MFSD1: variants seen among roughly 807,000 people sequenced by gnomAD.
MFSD1 encodes the protein lysosomal dipeptide transporter MFSD1.
Under a neutral mutation model 67.1 loss-of-function variants are expected in MFSD1, and 59 were observed. The observed-to-expected ratio is 0.88, with a 90% CI of 0.71 to 1.09. MFSD1 has a LOEUF of 1.09. Among genes scored for constraint, MFSD1 ranks in the 50% least tolerant of loss-of-function variants. MFSD1 has a pLI of 0.00. For missense variants in MFSD1, 552 were observed against 566.1 expected (o/e 0.97, Z 0.25); for synonymous variants, 213 against 200.3 (o/e 1.06, Z -0.54).
chr3:158,822,149 T>C lies in MFSD1; in HGVS notation c.1077+9T>C. ...ACCCTTGGATTGCTATGGTAACGTC[T>C]GTGTTAGCCCATGGTGGGGTCAGGG... On this transcript the variant is annotated intron_variant, in intron 11 of 15. Coordinates refer to ENST00000415822, the MANE Select transcript of MFSD1 (RefSeq NM_022736.4). 1 of 1,601,698 alleles carries C rather than the reference T, an allele frequency of 6.2e-7. No individual in the cohort carries two copies. Among genetic ancestry groups the C allele is most frequent in the Non-Finnish European group, 8.5e-7 (1 of 1,170,606 alleles).
chr3:158,819,892 A>T (rs1559921985), intron 8 of MFSD1, 145 bp downstream of exon 8: 9 of 525,128 alleles, frequency 1.7e-5, no homozygotes, highest in Non-Finnish European at 3.0e-5. Flanking sequence ...ATTGATTTCC[A>T]CTTTTCTAAA....
chr3:158,802,411 T>C, intron 1 of MFSD1, 96 bp downstream of exon 1: 1 of 1,382,708 alleles, frequency 7.2e-7, no homozygotes, highest in Non-Finnish European at 1.0e-6. Flanking sequence ...CCACGGGGCC[T>C]CAGCGCAGCT....
chr3:158,822,256 T>C lies in MFSD1; in HGVS notation c.1077+116T>C, dbSNP rs1359000258. 3 of 793,254 alleles carry C rather than the reference T, an allele frequency of 3.8e-6. No individual in the cohort carries two copies. In the Admixed American group the frequency reaches 7.9e-5, roughly 21 times the overall value. 49.1% of individuals were successfully genotyped at this position (793,254 alleles called of 1,614,324 possible). ...GACAAGGCCTATGATAGTGGGGAGATGACAACTTGATTCCAATATCTACAA... is the reference window on the plus strand; with the variant it reads ...GACAAGGCCTATGATAGTGGGGAGACGACAACTTGATTCCAATATCTACAA... On this transcript the variant is annotated intron_variant, in intron 11 of 15. Coordinates refer to ENST00000415822, the MANE Select transcript of MFSD1 (RefSeq NM_022736.4).
chr3:158,812,708 A>G (rs937593656), intron 6 of MFSD1, among the ~76,000 whole-genome samples: 1 of 152,142 alleles, frequency 6.6e-6, no homozygotes, highest in African/African-American at 2.4e-5. Context: ...TGAGTCTGTC[A>G]AAGTATCATG....
At chr3:158,803,291 T>C (rs1383461141) in intron 1 of MFSD1, among the ~76,000 whole-genome samples, 1 of 152,194 alleles carries the variant, frequency 6.6e-6, no homozygotes, top group Non-Finnish European at 1.5e-5. Flanking sequence ...ATAACTATTC[T>C]AGCGCTGAAC....
At chr3:158,812,741 A>C (rs199539525) in intron 6 of MFSD1, among the ~76,000 whole-genome samples, 1 of 152,094 alleles carries the variant, frequency 6.6e-6, no homozygotes, top group Non-Finnish European at 1.5e-5. Flanking sequence ...TCAAACCCCA[A>C]TGGCTTCCCA....
intron 11 of MFSD1, 64 bp from the exon 12 acceptor site, chr3:158,823,364 A>G (rs756410996): frequency 4.4e-6 from 5 of 1,134,604 alleles, no homozygotes; most frequent in African/African-American, 3.1e-5. Context: ...GCTAATCTGC[A>G]TTAAAGGAAA....
chr3:158,820,216 T>G lies in MFSD1; in HGVS notation c.753T>G (p.Gly251=). The G allele has an allele frequency of 6.5e-7, 1 of 1,548,182 alleles. No individual in the cohort carries two copies. Among genetic ancestry groups the G allele is most frequent in the Non-Finnish European group, 8.9e-7 (1 of 1,120,434 alleles). The change falls in exon 9 of 16, where the codon GGT becomes GGG. Residue 251 remains glycine (G), a splice_region_variant and synonymous_variant. Transcript: ENST00000415822. ...AGTGTCTTCCCTTTCTTCTCTAAGGTGAAGTTATTAAATTAACTGATGTAA... is the reference window on the plus strand; with the variant it reads ...AGTGTCTTCCCTTTCTTCTCTAAGGGGAAGTTATTAAATTAACTGATGTAA... ...RILHKEQGKT[G]EVIKLTDVKD...
intron 12 of MFSD1, 86 bp downstream of exon 12, chr3:158,823,611 C>A: frequency 1.0e-6 from 1 of 995,218 alleles, no homozygotes; most frequent in South Asian, 1.3e-5. Flanking sequence ...TGAATCTAGT[C>A]GTCATCCAGC....
intron 7 of MFSD1, among the ~76,000 whole-genome samples, chr3:158,818,578 A>AAT (rs139053295): frequency 0.023 from 3,553 of 151,746 alleles, 59 homozygotes; most frequent in Non-Finnish European, 0.038. Context: ...AGGTTTTTAA[A>AAT]ATATATATAT....
chr3:158,823,600 C>T (rs563596770), intron 12 of MFSD1, 75 bp downstream of exon 12: 2 of 1,102,454 alleles, frequency 1.8e-6, no homozygotes, highest in African/African-American at 1.5e-5. Context: ...AACTCCAGAT[C>T]TGAATCTAGT....
chr3:158,804,719 G>C (rs961148284), intron 2 of MFSD1, among the ~76,000 whole-genome samples: 14 of 152,110 alleles, frequency 9.2e-5, no homozygotes, highest in Admixed American at 8.5e-4. Flanking sequence ...ATAGCTTTTT[G>C]CCTTCTTAAA....
rs142146077 is a variant in MFSD1, at chr3:158,822,090, G to C, written c.1027G>C (p.Val343Leu). 1 of 1,613,958 alleles carries C rather than the reference G, an allele frequency of 6.2e-7. No individual in the cohort carries two copies. Among genetic ancestry groups the C allele is most frequent in the Non-Finnish European group, 8.5e-7 (1 of 1,179,890 alleles). Residue 343 changes from valine to leucine, a missense_variant, in exon 11 of 16, where the codon GTG (valine) becomes CTG (leucine). Transcript: ENST00000415822. ...TCTTTGCGCAGTAGCAGCCACTCTTGTGTCCCACATGATGCTGGCCTTTAC... is the reference window on the plus strand; with the variant it reads ...TCTTTGCGCAGTAGCAGCCACTCTTCTGTCCCACATGATGCTGGCCTTTAC... ...WVLCAVAATL[V>L]SHMMLAFTMW... is the part of the protein sequence containing the mutation.
intron 7 of MFSD1, among the ~76,000 whole-genome samples, chr3:158,816,966 T>A (rs1025146209): frequency 1.3e-5 from 2 of 152,126 alleles, no homozygotes; most frequent in South Asian, 4.1e-4. Context: ...GTTGTAGATA[T>A]GCTGCATTAT....
chr3:158,810,006 G>A (rs1363390374), intron 6 of MFSD1, among the ~76,000 whole-genome samples: 5 of 152,100 alleles, frequency 3.3e-5, no homozygotes, highest in Admixed American at 2.6e-4. Flanking sequence ...GCTACCTAGC[G>A]GGAACAACAT....
At chr3:158,812,972 C>T (rs764645706) in intron 6 of MFSD1, among the ~76,000 whole-genome samples, 3 of 152,084 alleles carry the variant, frequency 2.0e-5, no homozygotes, top group Non-Finnish European at 4.4e-5. Flanking sequence ...CAGTTCGTTT[C>T]CTGCAAGTTT....
Position 158,824,153 on chromosome 3 carries a change from C to A in MFSD1, c.1205C>A (p.Ala402Asp). The A allele has an allele frequency of 6.2e-7, 1 of 1,612,128 alleles. No homozygotes were observed. Among genetic ancestry groups the A allele is most frequent in the Non-Finnish European group, 8.5e-7 (1 of 1,179,486 alleles). ...FMQSIQNLGL[A>D]IISIIAGMIL... is the part of the protein sequence containing the mutation. ...CAGTCCATTCAGAATCTTGGGTTGGCCATCATTTCCATCATTGCTGGTATG... is the reference window on the plus strand; with the variant it reads ...CAGTCCATTCAGAATCTTGGGTTGGACATCATTTCCATCATTGCTGGTATG... The change falls in exon 13 of 16, where the codon GCC becomes GAC. Residue 402 changes from alanine (A) to aspartate (D), a missense_variant. Transcript: ENST00000415822.
intron 10 of MFSD1, 127 bp downstream of exon 10, chr3:158,821,780 T>C: frequency 2.1e-6 from 2 of 966,726 alleles, no homozygotes; most frequent in Non-Finnish European, 3.2e-6. Flanking sequence ...TGGGACTACA[T>C]TGGGACTTGA....
chr3:158,826,549 T>C (rs938891019), intron 14 of MFSD1, among the ~76,000 whole-genome samples: 1 of 151,932 alleles, frequency 6.6e-6, no homozygotes, highest in African/African-American at 2.4e-5. Flanking sequence ...ATGTTGTCAT[T>C]AGTAATTTTT....
Sources: allele counts gnomAD v4.1 joint callset (sites outside exome capture counted in the v4.1 genomes callset), GRCh38; gene constraint gnomAD v4.1.1; transcripts MANE v1.5; gene names NCBI Gene and HGNC (gene_info 2026-07-23, HGNC 2026-07-21).